Variants in GUCA2A observed in about 807,000 individuals in gnomAD.
The protein encoded by GUCA2A is guanylate cyclase activator 2A.
GUCA2A carries 17 observed loss-of-function variants against 11.2 expected under a neutral mutation model. The ratio of observed to expected loss-of-function variants is 1.52; its 90% CI spans 1.04 to 2.28. The LOEUF (loss-of-function observed/expected upper bound fraction) is 2.28, where lower values mean the gene tolerates loss of function less well. Among genes scored for constraint, GUCA2A ranks in the 30% most tolerant of loss-of-function variants. The pLI, the probability that GUCA2A is intolerant of heterozygous loss-of-function variation, is 0.00. For missense variants in GUCA2A, 173 were observed against 139.3 expected (o/e 1.24, Z -1.22); for synonymous variants, 64 against 57.1 (o/e 1.12, Z -0.54).
At chr1:42,163,763 C>A (rs2124027730) in intron 1 of GUCA2A, among the ~76,000 whole-genome samples, 153 bp from the exon 2 acceptor site, 1 of 152,346 alleles carries the variant, frequency 6.6e-6, no homozygotes, top group Middle Eastern at 3.4e-3. Context: ...CTGTGAGGGG[C>A]AGAGTTCAGG....
rs754207857 is a variant in GUCA2A at position 42,163,401 on chromosome 1, A to G, written c.283+2T>C. On this transcript the variant is annotated splice_donor_variant, in intron 2 of 2. Transcript: ENST00000357001. LOFTEE classifies it high-confidence loss of function. Reference sequence around the variant, plus strand: ...CAATCAGAGAGGAAGGAGGCTGCTCACCCAGCCTCTGAAGTATCTCCTGGG... The same window carrying G: ...CAATCAGAGAGGAAGGAGGCTGCTCGCCCAGCCTCTGAAGTATCTCCTGGG... 1 of 1,584,922 alleles carries G rather than the reference A, an allele frequency of 6.3e-7. No individual in the cohort carries two copies. The highest frequency in any genetic ancestry group is 8.7e-7 in the Non-Finnish European group (1 of 1,153,722).
chr1:42,163,116 A>T, intron 2 of GUCA2A, 146 bp from the exon 3 acceptor site: 1 of 687,816 alleles, frequency 1.5e-6, no homozygotes, highest in South Asian at 1.8e-5. Flanking sequence ...TTTCGCCCCA[A>T]ACCAGGGCAC....
In GUCA2A at chr1:42,162,971, C is replaced by A; in HGVS notation, c.284-1G>T. Reference sequence around the variant, plus strand: ...GTGCCCGGGTCCTCAGCGATTTCCTCTGCACAACAGAGATGGAGCCTCGTG... The same window carrying A: ...GTGCCCGGGTCCTCAGCGATTTCCTATGCACAACAGAGATGGAGCCTCGTG... On this transcript the variant is annotated splice_acceptor_variant, in intron 2 of 2. Coordinates refer to ENST00000357001, the MANE Select transcript of GUCA2A (RefSeq NM_033553.3). LOFTEE classifies it high-confidence loss of function. 1 of 1,612,962 alleles carries A rather than the reference C, an allele frequency of 6.2e-7. No homozygotes were observed. The highest frequency in any genetic ancestry group is 1.1e-5 in the South Asian group (1 of 91,070).
At position 42,163,569 on chromosome 1, in the gene GUCA2A, G is replaced by C; in HGVS notation, c.117C>G (p.Leu39=). Residue 39 remains leucine (L), a synonymous_variant, in exon 2 of 3, where the codon CTC becomes CTG. Coordinates refer to ENST00000357001, the MANE Select transcript of GUCA2A (RefSeq NM_033553.3). ...GCTCCTGGGGCTCCTGGAGGTCTTT[G>C]AGCTTCTTCACTGACTCCAGAGAAA... is the stretch of plus-strand genomic sequence containing the variant. ...FSFSLESVKK[L]KDLQEPQEPR... 1 of 1,613,752 alleles carries C rather than the reference G, an allele frequency of 6.2e-7. No individual in the cohort carries two copies. Among genetic ancestry groups the C allele is most frequent in the Middle Eastern group, 1.7e-4 (1 of 6,042 alleles).
intron 1 of GUCA2A, 47 bp from the exon 2 acceptor site, chr1:42,163,657 C>T: frequency 7.5e-7 from 1 of 1,336,480 alleles, no homozygotes; most frequent in African/African-American, 1.4e-5. Context: ...CAGCCTGCTT[C>T]CTGGCTGTGC....
intron 2 of GUCA2A, 104 bp downstream of exon 2, chr1:42,163,299 C>A: frequency 1.3e-6 from 1 of 759,508 alleles, no homozygotes; most frequent in East Asian, 2.6e-5. Flanking sequence ...CCAGTCAGAG[C>A]TGAGCCCTTC....
rs182438227 is a variant in GUCA2A at position 42,162,952 on chromosome 1, G to A, written c.302C>T (p.Pro101Leu). 5.6e-6 allele frequency: 9 copies of A among 1,613,702 alleles called. No homozygotes were observed. The East Asian group carries it at 1.6e-4, about 28-fold the overall frequency. The change falls in exon 3 of 3, where the codon CCG becomes CTG. Residue 101 changes from proline to leucine, a missense_variant. Physicochemically the swap from Pro to Leu is moderately conservative, Grantham distance 98. Transcript: ENST00000357001. ...GTAGGCACAGATTTCACATGTGCCC[G>A]GGTCCTCAGCGATTTCCTCTGCACA... The part of the protein sequence containing the change: ...LQRLEEIAED[P>L]GTCEICAYAA...
intron 2 of GUCA2A, 92 bp from the exon 3 acceptor site, chr1:42,163,062 C>T: frequency 9.9e-7 from 1 of 1,013,404 alleles, no homozygotes; most frequent in South Asian, 1.3e-5. Context: ...CACCACCCAG[C>T]CCCAGGAGAA....
chr1:42,164,615 C>G, intron 1 of GUCA2A, 23 bp downstream of exon 1: 3 of 1,467,562 alleles, frequency 2.0e-6, no homozygotes, highest in Non-Finnish European at 2.8e-6. Context: ...CCAGCTGGGC[C>G]GGGGTAGGGA....
At position 42,162,994 on chromosome 1, in the gene GUCA2A, G is replaced by A. The variant is rs528176745; in HGVS notation, c.284-24C>T. ...CTCTGCACAACAGAGATGGAGCCTC[G>A]TGAGAACCAGCATTTCCTCGCGAGG... On this transcript the variant is annotated intron_variant, in intron 2 of 2. Transcript: ENST00000357001. 6 of 1,599,738 alleles carry A rather than the reference G, an allele frequency of 3.8e-6. 1 individual carries two copies. Among genetic ancestry groups the A allele is most frequent in the East Asian group, 4.5e-5 (2 of 44,808 alleles).
At position 42,163,514 on chromosome 1, in the gene GUCA2A, G is replaced by T. The variant is rs773944668; in HGVS notation, c.172C>A (p.Pro58Thr). ...PRVGKLRNFA[P>T]IPGEPVVPIL... is the part of the protein sequence containing the mutation. Reference sequence around the variant, plus strand: ...GGAACCACAGGTTCACCAGGGATGGGTGCAAAGTTCCTGAGTTTCCCAACC... The same window carrying T: ...GGAACCACAGGTTCACCAGGGATGGTTGCAAAGTTCCTGAGTTTCCCAACC... Residue 58 changes from proline (P) to threonine (T), a missense_variant, in exon 2 of 3, where the codon CCC becomes ACC. Coordinates refer to ENST00000357001, the MANE Select transcript of GUCA2A (RefSeq NM_033553.3). The T allele has an allele frequency of 9.9e-6, 16 of 1,613,306 alleles. No homozygotes were observed. The highest frequency in any genetic ancestry group is 1.4e-5 in the Non-Finnish European group (16 of 1,179,328).
intron 2 of GUCA2A, 116 bp from the exon 3 acceptor site, chr1:42,163,086 G>A (rs1192680568): frequency 1.3e-5 from 11 of 824,942 alleles, no homozygotes; most frequent in Admixed American, 6.2e-5. Context: ...CAGCAGGCCC[G>A]TACTCTGACC....
rs1443573453 is a variant in GUCA2A at position 42,164,659 on chromosome 1, C to G, written c.54G>C (p.Leu18Phe). ...TCACCTGCACGGTGACCCCTCCTGC[C>G]AAGGCGGCCCAGGCCCCAAGGAGGC... ...ALCLLGAWAA[L>F]AGGVTVQDGN... The change falls in exon 1 of 3, where the codon TTG becomes TTC. Residue 18 changes from leucine to phenylalanine, a missense_variant. Physicochemically the swap from Leu to Phe is conservative, Grantham distance 22 (BLOSUM62 0). Coordinates refer to ENST00000357001, the MANE Select transcript of GUCA2A (RefSeq NM_033553.3). 6.5e-7 allele frequency: 1 copy of G among 1,550,376 alleles called. No homozygotes were observed. The highest frequency in any genetic ancestry group is 1.2e-5 in the South Asian group (1 of 84,046).
At position 42,163,030 on chromosome 1, in the gene GUCA2A, C is replaced by T. The variant is rs1646136463; in HGVS notation, c.284-60G>A. On this transcript the variant is annotated intron_variant, in intron 2 of 2. Coordinates refer to ENST00000357001, the MANE Select transcript of GUCA2A (RefSeq NM_033553.3). ...CATTTCCTCGCGAGGCCCCTGCCGC[C>T]CTTGGCCCAGAGCTTGTACGTCACC... is the stretch of plus-strand genomic sequence containing the variant. The T allele has an allele frequency of 5.8e-6, 8 of 1,371,892 alleles. No homozygotes were observed. In the Admixed American group the frequency reaches 1.2e-4, roughly 21 times the overall value. The allele number at this position is 1,371,892 out of a possible 1,614,324, so 85.0% of individuals were successfully genotyped here. A position where few individuals can be genotyped will look rare whatever the true frequency, so the allele number is the denominator to read the frequency against.
intron 1 of GUCA2A, among the ~76,000 whole-genome samples, chr1:42,163,857 G>A (rs114206019): frequency 0.013 from 1,975 of 152,328 alleles, 41 homozygotes; most frequent in African/African-American, 0.045. Context: ...GGAGAAAATG[G>A]GTGTGAAGCT....
rs1402463371 is a variant in GUCA2A at position 42,164,730 on chromosome 1, G to C, written c.-18C>G. 2.2e-5 allele frequency: 33 copies of C among 1,495,710 alleles called. No individual in the cohort carries two copies. The highest frequency in any genetic ancestry group is 2.9e-5 in the Non-Finnish European group (32 of 1,095,218). 92.7% of individuals were successfully genotyped at this position (1,495,710 alleles called of 1,614,324 possible). ...GCATTCATGGCAGCAGTGCCCGAGA[G>C]AGGGGTGGCTGTTCTGGATGCCAGG... On this transcript the variant is annotated 5_prime_UTR_variant, in exon 1 of 3. Coordinates refer to ENST00000357001, the MANE Select transcript of GUCA2A (RefSeq NM_033553.3).
Position 42,162,882 on chromosome 1 carries a change from G to GAGGC in GUCA2A, c.*20_*23dup. 1 of 1,593,666 alleles carries GAGGC rather than the reference G, an allele frequency of 6.3e-7. No homozygotes were observed. The highest frequency in any genetic ancestry group is 8.6e-7 in the Non-Finnish European group (1 of 1,161,688). On this transcript the variant is annotated 3_prime_UTR_variant, in exon 3 of 3. Coordinates refer to ENST00000357001, the MANE Select transcript of GUCA2A (RefSeq NM_033553.3). Reference sequence around the variant, plus strand: ...AAAAGAGCTTCCCTGCTGCGGAGGGGAGGCAGGCAGTGGGCAAGCCCCCCT... The same window carrying GAGGC: ...AAAAGAGCTTCCCTGCTGCGGAGGGGAGGCAGGCAGGCAGTGGGCAAGCCCCCCT...
intron 2 of GUCA2A, among the ~76,000 whole-genome samples, 199 bp from the exon 3 acceptor site, chr1:42,163,169 G>T (rs1646137017): frequency 6.6e-6 from 1 of 152,138 alleles, no homozygotes. Context: ...GATTCCACCA[G>T]AAAGAGAGGA....
In GUCA2A at chr1:42,162,827, G is replaced by A. The variant is rs1646134953; in HGVS notation, c.*79C>T. On this transcript the variant is annotated 3_prime_UTR_variant, in exon 3 of 3. Coordinates refer to ENST00000357001, the MANE Select transcript of GUCA2A (RefSeq NM_033553.3). ...AGGGTAGGTTGAGCTGCTGGGAGTG[G>A]AGTATCATGGGTGGCCCTTTCTGCA... The A allele has an allele frequency of 1.0e-5, 12 of 1,153,318 alleles. No homozygotes were observed. Among genetic ancestry groups the A allele is most frequent in the Non-Finnish European group, 1.3e-5 (10 of 762,046 alleles). The allele number at this position is 1,153,318 out of a possible 1,614,324, so 71.4% of individuals were successfully genotyped here.
Sources: gnomAD v4.1 joint callset for allele counts (sites outside exome capture counted in the v4.1 genomes callset) on GRCh38, gnomAD v4.1.1 for gene constraint, MANE v1.5 for transcripts, NCBI Gene and HGNC (gene_info 2026-07-23, HGNC 2026-07-21) for gene names.